The following CCNY variants were observed in gnomAD, a reference collection of about 807,000 sequenced individuals.
CCNY encodes the protein cyclin Y.
In CCNY, 19 loss-of-function variants were observed where a neutral mutation model predicts 42.8. The ratio of observed to expected loss-of-function variants is 0.44; its 90% CI spans 0.31 to 0.65. The LOEUF (loss-of-function observed/expected upper bound fraction) is 0.65, where lower values mean the gene tolerates loss of function less well. Among genes scored for constraint, CCNY ranks in the 30% least tolerant of loss-of-function variants. The probability of loss-of-function intolerance (pLI) is 0.07; values close to 1 mark genes in which losing one functional copy is unlikely to be tolerated. For missense variants in CCNY, 370 were observed against 437.3 expected, an observed-to-expected ratio of 0.85 and a Z score of 1.37; for synonymous variants, 165 against 162.7, an observed-to-expected ratio of 1.01 and a Z score of -0.11.
intron 5 of CCNY, among the ~76,000 whole-genome samples, chr10:35,528,449 AT>A (rs1840697907): frequency 1.3e-5 from 2 of 152,194 alleles, no homozygotes; most frequent in African/African-American, 4.8e-5. Flanking sequence ...TACGCCTGTA[AT>A]CCTAGCACTT....
At chr10:35,315,760 TA>T (rs1205426876) in intron 3 of CCNY, among the ~76,000 whole-genome samples, 2 of 152,202 alleles carry the variant, frequency 1.3e-5, no homozygotes, top group Non-Finnish European at 2.9e-5. Context: ...CAGCATCTGT[TA>T]TTTTTTTGAC....
chr10:35,553,621 TGTTTA>T (rs1463995671), intron 8 of CCNY, among the ~76,000 whole-genome samples: 1 of 152,232 alleles, frequency 6.6e-6, no homozygotes, highest in African/African-American at 2.4e-5. Context: ...TTTACATTTT[TGTTTA>T]GTTTCACAGA....
chr10:35,257,055 G>A (rs1565054101), intron 3 of CCNY, among the ~76,000 whole-genome samples: 1 of 151,980 alleles, frequency 6.6e-6, no homozygotes, highest in Non-Finnish European at 1.5e-5. Context: ...TTGTATAATG[G>A]CCCATGTATT....
intron 9 of CCNY, among the ~76,000 whole-genome samples, chr10:35,568,488 A>G (rs983587388): frequency 6.6e-6 from 1 of 152,192 alleles, no homozygotes; most frequent in African/African-American, 2.4e-5. Context: ...TTATCTGCAC[A>G]TCTCATATTT....
chr10:35,533,819 G>A (rs1293873240), intron 7 of CCNY, among the ~76,000 whole-genome samples: 1 of 152,122 alleles, frequency 6.6e-6, no homozygotes, highest in Non-Finnish European at 1.5e-5. Flanking sequence ...ACTACAATAC[G>A]ACCAACATCT....
chr10:35,417,227 A>G (rs1362305409), intron 1 of CCNY, among the ~76,000 whole-genome samples: 2 of 152,178 alleles, frequency 1.3e-5, no homozygotes, highest in East Asian at 3.9e-4. Flanking sequence ...GGAGGTATTT[A>G]GAATCAGTCA....
rs1257979068 is a variant in CCNY at position 35,569,189 on chromosome 10, G to C, written c.*19G>C. 3 of 1,368,928 alleles carry C rather than the reference G, an allele frequency of 2.2e-6. No individual in the cohort carries two copies. Among genetic ancestry groups the C allele is most frequent in the Non-Finnish European group, 3.1e-6 (3 of 960,380 alleles). 84.8% of individuals were successfully genotyped at this position (1,368,928 alleles called of 1,614,324 possible). On this transcript the variant is annotated 3_prime_UTR_variant, in exon 10 of 10. Transcript: ENST00000374704. ...CTCTTAACTACGGAGGCCCGCCGGA[G>C]GCCACACCATCCCTTAGTTTCTCCT... is the stretch of plus-strand genomic sequence containing the variant.
intron 3 of CCNY, among the ~76,000 whole-genome samples, chr10:35,312,467 T>A (rs1351023363): frequency 6.7e-6 from 1 of 150,158 alleles, no homozygotes; most frequent in Non-Finnish European, 1.5e-5. Flanking sequence ...GGGCCCTACA[T>A]CCTTCTCACT....
chr10:35,441,610 T>A (rs1838671093), intron 1 of CCNY, among the ~76,000 whole-genome samples: 3 of 152,046 alleles, frequency 2.0e-5, no homozygotes, highest in African/African-American at 7.3e-5. Context: ...TAGCCAGGGA[T>A]GGTGGTGTGT....
At chr10:35,338,524 T>C (rs201361015) in intron 1 of CCNY, among the ~76,000 whole-genome samples, 2 of 152,222 alleles carry the variant, frequency 1.3e-5, no homozygotes, top group East Asian at 3.8e-4. Context: ...ATTTATGCAT[T>C]TAAAGGCATC....
Position 35,414,299 on chromosome 10 carries a change from G to A in CCNY, c.155-69105G>A, listed in dbSNP as rs114140635. Reference sequence around the variant, plus strand: ...GGATCCCCTTCCAAGATCCCTCGCAGAACCTGGGTGCTGGAAGGATTCCAT... The same window carrying A: ...GGATCCCCTTCCAAGATCCCTCGCAAAACCTGGGTGCTGGAAGGATTCCAT... On this transcript the variant is annotated intron_variant, in intron 1 of 9. Transcript: ENST00000374704. Among the ~76,000 whole-genome samples, 1,069 of 152,332 alleles carry A rather than the reference G, an allele frequency of 7.0e-3. 11 individuals are homozygous for A. The highest frequency in any genetic ancestry group is 0.025 in the African/African-American group (1,020 of 41,572).
intron 3 of CCNY, among the ~76,000 whole-genome samples, chr10:35,302,600 T>G (rs1317426825): frequency 1.3e-5 from 2 of 152,114 alleles, no homozygotes; most frequent in East Asian, 3.9e-4. Flanking sequence ...CATGAGCCAC[T>G]GCGCCCGCCC....
chr10:35,489,636 A>G (rs1013584277), intron 2 of CCNY, among the ~76,000 whole-genome samples: 4 of 152,102 alleles, frequency 2.6e-5, no homozygotes, highest in African/African-American at 9.6e-5. Context: ...GATTTTTATT[A>G]TAGTCATATC....
intron 3 of CCNY, among the ~76,000 whole-genome samples, chr10:35,280,374 G>A (rs375754030): frequency 2.4e-5 from 2 of 84,094 alleles, no homozygotes; most frequent in East Asian, 3.5e-4. Context: ...AGGAAGAAAG[G>A]AAGAAGGGAA....
At chr10:35,424,817 T>C (rs1301354602) in intron 1 of CCNY, among the ~76,000 whole-genome samples, 2 of 152,206 alleles carry the variant, frequency 1.3e-5, no homozygotes, top group Non-Finnish European at 2.9e-5. Flanking sequence ...GTGTGTTCTT[T>C]AGAAAGTCCC....
intron 9 of CCNY, 91 bp from the exon 10 acceptor site, chr10:35,568,963 C>T: frequency 1.2e-6 from 1 of 806,844 alleles, no homozygotes; most frequent in Non-Finnish European, 2.1e-6. Context: ...CTCTGCCTGT[C>T]CCTCATGCAG....
In CCNY at chr10:35,308,709, C is replaced by T. The variant is rs138046299; in HGVS notation, c.-9+58083C>T. ...ATATAATGTGAGACTAATGGGCTAC[C>T]GGCAGATAAGAGCTCATTTCAGCTT... On this transcript the variant is annotated intron_variant, in intron 3 of 11. Coordinates refer to the CCNY transcript ENST00000374706. Among the ~76,000 whole-genome samples the T allele has an allele frequency of 3.3e-5, 5 of 152,152 alleles. No homozygotes were observed. In the East Asian group the frequency reaches 5.8e-4, roughly 18 times the overall value.
At chr10:35,254,980 A>G (rs2095714472) in intron 3 of CCNY, among the ~76,000 whole-genome samples, 1 of 152,148 alleles carries the variant, frequency 6.6e-6, no homozygotes, top group Admixed American at 6.6e-5. Flanking sequence ...ATTTTAAACA[A>G]TCGACTGTTG....
At position 35,453,216 on chromosome 10, in the gene CCNY, T is replaced by C. The variant is rs116302330; in HGVS notation, c.155-30188T>C. 5.9e-3 allele frequency among the ~76,000 whole-genome samples: 899 copies of C among 152,334 alleles called. 13 individuals carry two copies. Among genetic ancestry groups the C allele is most frequent in the African/African-American group, 0.021 (857 of 41,584 alleles). Reference sequence around the variant, plus strand: ...TCTCCCAAAGTGCTGGGATTACAGATGTGAGCCATTGTGGCTAGTCCTGTA... The same window carrying C: ...TCTCCCAAAGTGCTGGGATTACAGACGTGAGCCATTGTGGCTAGTCCTGTA... On this transcript the variant is annotated intron_variant, in intron 1 of 9. Transcript: ENST00000374704.
Sources: gnomAD v4.1 joint callset for allele counts (sites outside exome capture counted in the v4.1 genomes callset) on GRCh38, gnomAD v4.1.1 for gene constraint, MANE v1.5 for transcripts, NCBI Gene and HGNC (gene_info 2026-07-23, HGNC 2026-07-21) for gene names.